The following SORBS2 variants were observed in gnomAD, a reference collection of about 807,000 sequenced individuals.
The protein encoded by SORBS2 is sorbin and SH3 domain containing 2.
In SORBS2, 46 loss-of-function variants were observed where a neutral mutation model predicts 97.7. The observed-to-expected ratio is 0.47, with a 90% CI of 0.37 to 0.60. The LOEUF is 0.60. Among genes scored for constraint, SORBS2 ranks in the 20% least tolerant of loss-of-function variants. The probability of loss-of-function intolerance (pLI) is 0.00; values close to 1 mark genes in which losing one functional copy is unlikely to be tolerated. For synonymous variants in SORBS2, 476 were observed against 473.4 expected, an observed-to-expected ratio of 1.01 and a Z score of -0.07; for missense variants, 1,316 against 1,282.3, an observed-to-expected ratio of 1.03 and a Z score of -0.40.
intron 1 of SORBS2, among the ~76,000 whole-genome samples, chr4:185,853,665 C>A (rs1461697315): frequency 1.3e-5 from 2 of 152,192 alleles, no homozygotes; most frequent in Non-Finnish European, 2.9e-5. Flanking sequence ...CTCAAACATT[C>A]TCCCAGATAT....
chr4:185,639,069 T>A, intron 4 of SORBS2, 34 bp from the exon 14 acceptor site: 3 of 1,493,430 alleles, frequency 2.0e-6, no homozygotes, highest in Non-Finnish European at 2.7e-6. Flanking sequence ...ACTGGTTCAT[T>A]AGATGGAGGC....
At chr4:185,727,285 C>T (rs189299082) in intron 2 of SORBS2, among the ~76,000 whole-genome samples, 2 of 152,318 alleles carry the variant, frequency 1.3e-5, no homozygotes, top group East Asian at 1.9e-4. Context: ...ATTAACGACC[C>T]TATTGCTTAT....
chr4:185,932,090 G>A (rs1031502599), intron 1 of SORBS2, among the ~76,000 whole-genome samples: 1 of 151,520 alleles, frequency 6.6e-6, no homozygotes, highest in Non-Finnish European at 1.5e-5. Flanking sequence ...ATATATGTGT[G>A]TGTTTATTAT....
chr4:185,810,820 C>G (rs1166807246), intron 1 of SORBS2: 1 of 152,182 alleles, frequency 6.6e-6, no homozygotes, highest in Admixed American at 6.5e-5. Flanking sequence ...ACATTTGCTG[C>G]AAGTATGAGC....
exon 7 of SORBS2, chr4:185,624,081 C>T (rs766067689): frequency 4.3e-6 from 7 of 1,614,150 alleles, no homozygotes; most frequent in South Asian, 1.1e-5. Context: ...AACCCCGGGG[C>T]GTTGCGGGCT....
chr4:185,943,627 T>C (rs1479632003), intron 1 of SORBS2, among the ~76,000 whole-genome samples: 6 of 152,210 alleles, frequency 3.9e-5, no homozygotes, highest in Non-Finnish European at 7.3e-5. Flanking sequence ...AGGGGGAATA[T>C]ATTAGATTAA....
intron 2 of SORBS2, among the ~76,000 whole-genome samples, chr4:185,724,280 A>G (rs907606364): frequency 6.6e-6 from 1 of 151,768 alleles, no homozygotes; most frequent in Non-Finnish European, 1.5e-5. Flanking sequence ...TGCTGGGACA[A>G]CTTTTGCATG....
At chr4:185,714,599 A>T (rs948223038) in intron 2 of SORBS2, among the ~76,000 whole-genome samples, 1 of 152,192 alleles carries the variant, frequency 6.6e-6, no homozygotes, top group African/African-American at 2.4e-5. Context: ...GTAATTTATA[A>T]AGGAAAGAGG....
intron 1 of SORBS2, among the ~76,000 whole-genome samples, chr4:185,868,776 T>C (rs2099228764): frequency 6.6e-6 from 1 of 152,210 alleles, no homozygotes; most frequent in South Asian, 2.1e-4. Context: ...GCTGTGTCAA[T>C]ATTCTACCAA....
chr4:185,696,682 T>G (rs2098180164), intron 2 of SORBS2, among the ~76,000 whole-genome samples: 1 of 152,142 alleles, frequency 6.6e-6, no homozygotes, highest in African/African-American at 2.4e-5. Context: ...CCTCAAGTGA[T>G]CCACCCGCCT....
At chr4:185,724,530 C>T (rs1014552653) in intron 2 of SORBS2, among the ~76,000 whole-genome samples, 4 of 152,076 alleles carry the variant, frequency 2.6e-5, no homozygotes, top group African/African-American at 9.7e-5. Context: ...ACTTTCCTAC[C>T]TCTCTTCACT....
intron 2 of SORBS2, among the ~76,000 whole-genome samples, chr4:185,731,858 CTCTCTCTCTATA>C (rs1295098896): frequency 5.0e-4 from 18 of 36,090 alleles, no homozygotes; most frequent in African/African-American, 5.8e-4. Context: ...CTCTCTCTCT[CTCTCTCTCTATA>C]TATATATATA....
At chr4:185,730,053 C>T (rs1046180801) in intron 2 of SORBS2, among the ~76,000 whole-genome samples, 6 of 151,972 alleles carry the variant, frequency 3.9e-5, no homozygotes, top group East Asian at 1.9e-4. Context: ...CCCGGGTTCA[C>T]GCCATTCTCC....
At position 185,684,158 on chromosome 4, in the gene SORBS2, C is replaced by G. The variant is rs529155197; in HGVS notation, c.-197-5336G>C. ...GCAGACTGTGCCTTAGGTACTGTGC[C>G]TAACTTCGGTACTGTGGCTTAGGTA... On this transcript the variant is annotated intron_variant, in intron 2 of 20. Transcript: ENST00000284776. The surrounding 1 kb of genome is among the most constrained non-coding windows in gnomAD (Gnocchi z 4.2). Among the ~76,000 whole-genome samples, 137 of 152,294 alleles carry G rather than the reference C, an allele frequency of 9.0e-4. No individual in the cohort carries two copies. The highest frequency in any genetic ancestry group is 2.9e-3 in the South Asian group (14 of 4,820).
intron 2 of SORBS2, among the ~76,000 whole-genome samples, chr4:185,723,645 T>C (rs886574367): frequency 1.3e-5 from 2 of 152,222 alleles, no homozygotes; most frequent in Non-Finnish European, 2.9e-5. Flanking sequence ...GGGCTTGAGG[T>C]AGGGAGTGTG....
intron 2 of SORBS2, among the ~76,000 whole-genome samples, chr4:185,731,531 CCTCT>C (rs1204775682): frequency 3.5e-4 from 38 of 109,634 alleles, no homozygotes; most frequent in African/African-American, 1.4e-3. Context: ...TCTCCCCCTC[CCTCT>C]CTCCCTGCCT....
intron 14 of SORBS2, 66 bp from the exon 27 acceptor site, chr4:185,587,754 A>G: frequency 7.9e-7 from 1 of 1,261,730 alleles, no homozygotes; most frequent in Non-Finnish European, 1.2e-6. Context: ...ATGGGCTTGA[A>G]TACTTCCCAT....
chr4:185,850,150 C>T (rs980918786), intron 1 of SORBS2, among the ~76,000 whole-genome samples: 1 of 152,172 alleles, frequency 6.6e-6, no homozygotes, highest in Non-Finnish European at 1.5e-5. Flanking sequence ...CCTATGAGAC[C>T]TATATTCTCA....
At position 185,801,881 on chromosome 4, in the gene SORBS2, C is replaced by T. The variant is rs564629508; in HGVS notation, c.-337-26515G>A. Among the ~76,000 whole-genome samples, 9 of 152,286 alleles carry T rather than the reference C, an allele frequency of 5.9e-5. No individual in the cohort carries two copies. In the East Asian group the frequency reaches 1.5e-3, roughly 26 times the overall value. On this transcript the variant is annotated intron_variant, in intron 1 of 20. Coordinates refer to the SORBS2 transcript ENST00000284776. The stretch of plus-strand genomic sequence containing the variant: ...CAGTTTCTTCTTTTCTCATGTGAAA[C>T]AGTGATGATAGTGCATACCTCCCAG...
Sources: gnomAD v4.1 joint callset for allele counts (sites outside exome capture counted in the v4.1 genomes callset) on GRCh38, gnomAD v4.1.1 for gene constraint, Gnocchi (gnomAD v3.1) non-coding constraint, MANE v1.5 for transcripts, NCBI Gene and HGNC (gene_info 2026-07-23, HGNC 2026-07-21) for gene names.